GMDS: variants seen among roughly 807,000 people sequenced by gnomAD.
GMDS encodes the protein GDP-mannose 4,6-dehydratase.
GMDS carries 20 observed loss-of-function variants against 49.9 expected under a neutral mutation model. That is an observed-to-expected ratio of 0.40 (90% confidence interval 0.28 to 0.58). GMDS has a LOEUF of 0.58. Among genes scored for constraint, GMDS ranks in the 20% least tolerant of loss-of-function variants. The probability of loss-of-function intolerance (pLI) is 0.42; values close to 1 mark genes in which losing one functional copy is unlikely to be tolerated. For synonymous variants in GMDS, 177 were observed against 178.6 expected (o/e 0.99, Z 0.07); for missense variants, 362 against 481.4 (o/e 0.75, Z 2.32).
At chr6:1,936,722 T>C (rs1233891861) in intron 6 of GMDS, among the ~76,000 whole-genome samples, 5 of 152,086 alleles carry the variant, frequency 3.3e-5, no homozygotes, top group Non-Finnish European at 7.4e-5. Flanking sequence ...ATCCCAACAC[T>C]TTGGGAGGCT....
chr6:2,046,145 A>G (rs1262517332), intron 4 of GMDS, among the ~76,000 whole-genome samples: 1 of 152,174 alleles, frequency 6.6e-6, no homozygotes, highest in African/African-American at 2.4e-5. Context: ...CCCAGGGAGC[A>G]GAGTCTACAG....
intron 4 of GMDS, among the ~76,000 whole-genome samples, chr6:2,096,006 T>A (rs989172840): frequency 1.3e-5 from 2 of 152,134 alleles, no homozygotes; most frequent in African/African-American, 4.8e-5. Context: ...CTGCAACATA[T>A]ATACCTGATA....
At chr6:1,725,490 GGC>G (rs1255644702) in intron 9 of GMDS, among the ~76,000 whole-genome samples, 2 of 151,710 alleles carry the variant, frequency 1.3e-5, no homozygotes, top group African/African-American at 4.8e-5. Flanking sequence ...GGAGTGCAAT[GGC>G]GCGCGATCTC....
At chr6:1,823,725 G>T (rs1177359400) in intron 7 of GMDS, among the ~76,000 whole-genome samples, 1 of 152,092 alleles carries the variant, frequency 6.6e-6, no homozygotes, top group East Asian at 1.9e-4. Flanking sequence ...TTTAGCCTAA[G>T]CATTGTTAAG....
intron 7 of GMDS, among the ~76,000 whole-genome samples, chr6:1,830,002 C>T (rs1297704718): frequency 6.6e-6 from 1 of 152,170 alleles, no homozygotes; most frequent in Non-Finnish European, 1.5e-5. Context: ...GAGCTGTAAT[C>T]ACTAGTTAAC....
At chr6:1,990,754 T>G (rs1581474552) in intron 4 of GMDS, among the ~76,000 whole-genome samples, 1 of 151,206 alleles carries the variant, frequency 6.6e-6, no homozygotes, top group African/African-American at 2.4e-5. Context: ...TTTTTTTTTT[T>G]TGGGGGGGTA....
chr6:1,632,358 T>C (rs773750381), intron 9 of GMDS, among the ~76,000 whole-genome samples: 4 of 152,120 alleles, frequency 2.6e-5, no homozygotes, highest in Non-Finnish European at 4.4e-5. Context: ...TATTGTATGA[T>C]TTGCTGTATG....
At chr6:1,895,257 A>G (rs1197211591) in intron 7 of GMDS, among the ~76,000 whole-genome samples, 1 of 152,072 alleles carries the variant, frequency 6.6e-6, no homozygotes. Context: ...TCATGATGTG[A>G]CTCAGAACAC....
chr6:1,750,563 C>T (rs768743694), intron 7 of GMDS, among the ~76,000 whole-genome samples: 9 of 152,320 alleles, frequency 5.9e-5, no homozygotes, highest in Non-Finnish European at 1.3e-4. Context: ...AGATACTACG[C>T]TTTTCCCATG....
chr6:1,846,677 C>T (rs939405464), intron 7 of GMDS, among the ~76,000 whole-genome samples: 6 of 152,102 alleles, frequency 3.9e-5, no homozygotes, highest in East Asian at 3.9e-4. Context: ...AATTGCAAAC[C>T]GTACTCTGAA....
At chr6:1,672,801 T>G (rs1455951398) in intron 9 of GMDS, among the ~76,000 whole-genome samples, 1 of 152,214 alleles carries the variant, frequency 6.6e-6, no homozygotes, top group Non-Finnish European at 1.5e-5. Flanking sequence ...CTGTGCTCTG[T>G]CTGACGCTGC....
intron 4 of GMDS, among the ~76,000 whole-genome samples, chr6:2,000,010 TTTTTATATA>T (rs1766669922): frequency 1.5e-4 from 1 of 6,554 alleles, no homozygotes; most frequent in Non-Finnish European, 4.5e-4. Context: ...ATATATATAT[TTTTTATATA>T]TATATATATC....
chr6:1,740,418 G>T (rs571236759), intron 8 of GMDS, among the ~76,000 whole-genome samples: 2 of 152,128 alleles, frequency 1.3e-5, no homozygotes, highest in African/African-American at 4.8e-5. Context: ...TTAGATGGGC[G>T]TGGTGGTCCA....
intron 9 of GMDS, among the ~76,000 whole-genome samples, chr6:1,698,738 C>T (rs894571263): frequency 2.6e-4 from 39 of 149,136 alleles, no homozygotes; most frequent in Admixed American, 2.5e-3. Flanking sequence ...GGACAGAGGG[C>T]GGCCTCCAGT....
At chr6:1,773,902 A>G (rs1768682802) in intron 7 of GMDS, among the ~76,000 whole-genome samples, 2 of 152,232 alleles carry the variant, frequency 1.3e-5, no homozygotes, top group African/African-American at 4.8e-5. Flanking sequence ...AACATTTACT[A>G]TTGGGTCAAA....
At chr6:1,649,709 A>G (rs772543965) in intron 9 of GMDS, among the ~76,000 whole-genome samples, 10 of 152,186 alleles carry the variant, frequency 6.6e-5, no homozygotes, top group Non-Finnish European at 1.3e-4. Context: ...CACAAGGCCA[A>G]TGACCCCAGG....
At chr6:1,796,811 G>A (rs2093463009) in intron 7 of GMDS, among the ~76,000 whole-genome samples, 1 of 152,224 alleles carries the variant, frequency 6.6e-6, no homozygotes, top group South Asian at 2.1e-4. Flanking sequence ...ACTTAGGAAA[G>A]ATGTAGCTCC....
At chr6:2,198,221 T>C (rs1581783480) in intron 1 of GMDS, among the ~76,000 whole-genome samples, 1 of 152,220 alleles carries the variant, frequency 6.6e-6, no homozygotes, top group African/African-American at 2.4e-5. Context: ...TTCCTGGCCA[T>C]GATGACAAAT....
At chr6:1,675,889 G>T (rs375602316) in intron 9 of GMDS, among the ~76,000 whole-genome samples, 3 of 150,528 alleles carry the variant, frequency 2.0e-5, no homozygotes, top group Non-Finnish European at 4.4e-5. Flanking sequence ...TATCACCACC[G>T]ATTCCACAGA....
Sources: allele counts gnomAD v4.1 joint callset (sites outside exome capture counted in the v4.1 genomes callset), GRCh38; gene constraint gnomAD v4.1.1; transcripts MANE v1.5; gene names NCBI Gene and HGNC (gene_info 2026-07-23, HGNC 2026-07-21).